ATRN: variants seen among roughly 807,000 people sequenced by gnomAD.
ATRN encodes attractin.
In ATRN, 54 loss-of-function variants were observed where a neutral mutation model predicts 178.7. The observed-to-expected ratio is 0.30, with a 90% CI of 0.24 to 0.38. ATRN has a LOEUF of 0.38. Among genes scored for constraint, ATRN ranks in the 10% least tolerant of loss-of-function variants. ATRN has a pLI of 1.00. For missense variants in ATRN, 1,443 were observed against 1,815.1 expected (o/e 0.79, Z 3.73); for synonymous variants, 636 against 663.0 (o/e 0.96, Z 0.63).
At chr20:3,561,262 G>A (rs2085949034) in intron 8 of ATRN, among the ~76,000 whole-genome samples, 1 of 152,178 alleles carries the variant, frequency 6.6e-6, no homozygotes, top group South Asian at 2.1e-4. Flanking sequence ...GGTGGAGGTT[G>A]CAGTGAGCCA....
At chr20:3,571,284 C>T (rs760441113) in intron 11 of ATRN, among the ~76,000 whole-genome samples, 48 of 152,286 alleles carry the variant, frequency 3.2e-4, no homozygotes, top group Non-Finnish European at 4.7e-4. Context: ...AAGGTCATCC[C>T]CAAGGTCTGA....
chr20:3,646,872 G>A lies in ATRN; in HGVS notation c.*25G>A, dbSNP rs756246890. 7.4e-6 allele frequency: 12 copies of A among 1,611,656 alleles called. No individual in the cohort carries two copies. Among genetic ancestry groups the A allele is most frequent in the East Asian group, 2.2e-5 (1 of 44,840 alleles). On this transcript the variant is annotated 3_prime_UTR_variant, in exon 29 of 29. Transcript: ENST00000262919. The stretch of plus-strand genomic sequence containing the variant: ...ATGCTGGGGCCAGGGACTCTCCCAC[G>A]CACGAGCTAGTGAGTGGCACACCAG...
intron 1 of ATRN, among the ~76,000 whole-genome samples, chr20:3,533,494 CAG>C (rs1286829535): frequency 6.6e-6 from 1 of 152,178 alleles, no homozygotes; most frequent in Non-Finnish European, 1.5e-5. Flanking sequence ...TGTGACTTAA[CAG>C]AGGGAGAGAG....
intron 25 of ATRN, among the ~76,000 whole-genome samples, chr20:3,633,269 G>A (rs558546104): frequency 1.2e-4 from 19 of 152,318 alleles, no homozygotes; most frequent in Admixed American, 4.6e-4. Context: ...CCTGTTGTCA[G>A]GGCACCCATT....
chr20:3,623,730 C>T (rs1181333828), intron 24 of ATRN, among the ~76,000 whole-genome samples: 6 of 152,140 alleles, frequency 3.9e-5, no homozygotes, highest in Non-Finnish European at 7.4e-5. Flanking sequence ...CGTATATTAT[C>T]GGTGATAGTA....
chr20:3,586,188 C>T (rs2086354866), intron 18 of ATRN, among the ~76,000 whole-genome samples: 1 of 152,150 alleles, frequency 6.6e-6, no homozygotes, highest in Non-Finnish European at 1.5e-5. Context: ...AGCCAAATAC[C>T]TGTTAGCTGG....
chr20:3,624,686 T>G, intron 25 of ATRN, 114 bp downstream of exon 25: 1 of 894,668 alleles, frequency 1.1e-6, no homozygotes, highest in Non-Finnish European at 1.8e-6. Flanking sequence ...CACCACAGAT[T>G]AAATTTACTT....
intron 1 of ATRN, among the ~76,000 whole-genome samples, chr20:3,481,491 G>A (rs953251456): frequency 4.0e-5 from 6 of 151,884 alleles, no homozygotes; most frequent in Non-Finnish European, 5.9e-5. Context: ...AGAACTGCAG[G>A]TGCGCACCAC....
chr20:3,493,533 G>A (rs2084837003), intron 1 of ATRN, among the ~76,000 whole-genome samples: 2 of 151,928 alleles, frequency 1.3e-5, no homozygotes, highest in Admixed American at 6.6e-5. Context: ...GGCCTCAAGC[G>A]ATCCTCCCAG....
At chr20:3,534,659 T>C (rs902772666) in intron 1 of ATRN, among the ~76,000 whole-genome samples, 4 of 152,164 alleles carry the variant, frequency 2.6e-5, no homozygotes, top group Non-Finnish European at 4.4e-5. Context: ...TTCTTAAATA[T>C]TAAACATTTT....
Position 3,583,802 on chromosome 20 carries a change from G to T in ATRN, c.2765-96G>T. The T allele has an allele frequency of 4.7e-6, 6 of 1,276,282 alleles. 1 individual carries two copies. In the South Asian group the frequency reaches 8.7e-5, roughly 19 times the overall value. The allele number at this position is 1,276,282 out of a possible 1,614,324, so 79.1% of individuals were successfully genotyped here. On this transcript the variant is annotated intron_variant, in intron 16 of 28. Coordinates refer to ENST00000262919, the MANE Select transcript of ATRN (RefSeq NM_139321.3). The stretch of plus-strand genomic sequence containing the variant: ...TAGCCTGGAGACAGAGTGAGACTCC[G>T]TCTCAAAAAAAAAAAAGAAAAGAAA...
At chr20:3,606,532 C>T (rs2086679490) in intron 24 of ATRN, among the ~76,000 whole-genome samples, 2 of 152,160 alleles carry the variant, frequency 1.3e-5, no homozygotes, top group South Asian at 4.1e-4. Flanking sequence ...GCCTGGACAG[C>T]CCTACCTGGG....
intron 1 of ATRN, among the ~76,000 whole-genome samples, chr20:3,477,176 A>G (rs1156405695): frequency 3.7e-5 from 4 of 107,256 alleles, no homozygotes; most frequent in African/African-American, 1.3e-4. Flanking sequence ...TGTAAGTTCC[A>G]TGAGGGCAGG....
At position 3,578,714 on chromosome 20, in the gene ATRN, A is replaced by T. The variant is rs2146253039; in HGVS notation, c.2486A>T (p.Gln829Leu). The T allele has an allele frequency of 1.2e-6, 2 of 1,614,160 alleles. No homozygotes were observed. Among genetic ancestry groups the T allele is most frequent in the South Asian group, 1.1e-5 (1 of 91,080 alleles). The change falls in exon 15 of 29, where the codon CAG becomes CTG. Residue 829 changes from glutamine to leucine, a missense_variant. By Grantham distance (113) the Gln-to-Leu change is moderately radical. This residue lies in a region of ATRN where 212 missense variants were observed against 330.7 expected (regional missense o/e 0.64). Coordinates refer to ENST00000262919, the MANE Select transcript of ATRN (RefSeq NM_139321.3). ...GCCCTTTTGGCTTCTCTTACAACCC[A>T]GAAGAAGGTAGAATTTGTCCTTAAG... ...HNALLASLTT[Q>L]KKVEFVLKQL...
chr20:3,584,053 A>G lies in ATRN; in HGVS notation c.2920A>G (p.Met974Val), dbSNP rs769963361. 6 of 1,614,006 alleles carry G rather than the reference A, an allele frequency of 3.7e-6. No homozygotes were observed. Among genetic ancestry groups the G allele is most frequent in the Middle Eastern group, 1.6e-4 (1 of 6,078 alleles). Residue 974 changes from methionine (M) to valine (V), a missense_variant, in exon 17 of 29, where the codon ATG becomes GTG. Physicochemically the swap from Met to Val is conservative, Grantham distance 21 (BLOSUM62 1). Coordinates refer to ENST00000262919, the MANE Select transcript of ATRN (RefSeq NM_139321.3). ...YVASFPFGQC[M>V]EWYTMSTCPP... Reference sequence around the variant, plus strand: ...GGCCTCCTTCCCTTTTGGCCAGTGTATGGAATGGTATACGATGAGCACCTG... The same window carrying G: ...GGCCTCCTTCCCTTTTGGCCAGTGTGTGGAATGGTATACGATGAGCACCTG...
intron 1 of ATRN, among the ~76,000 whole-genome samples, chr20:3,507,815 GCTGGGACT>G (rs1452730187): frequency 6.7e-6 from 1 of 149,446 alleles, no homozygotes; most frequent in Non-Finnish European, 1.5e-5. Context: ...TTCCTGAATA[GCTGGGACT>G]ACAGGCGCGC....
At chr20:3,489,947 CTGCTCTTCT>C in intron 1 of ATRN, 1 of 1,093,222 alleles carries the variant, frequency 9.1e-7, no homozygotes, top group African/African-American at 1.5e-5. Flanking sequence ...TCTTACTGAT[CTGCTCTTCT>C]TGCTCTTCTC....
At chr20:3,471,774 G>A (rs2084429307) in intron 1 of ATRN, among the ~76,000 whole-genome samples, 2 of 152,340 alleles carry the variant, frequency 1.3e-5, no homozygotes, top group African/African-American at 4.8e-5. Context: ...TTAGTTAGAT[G>A]GGAAGAATGC....
intron 24 of ATRN, among the ~76,000 whole-genome samples, chr20:3,615,564 T>C (rs550828842): frequency 1.4e-5 from 2 of 143,742 alleles, no homozygotes; most frequent in South Asian, 2.4e-4. Context: ...TTTCTTTTTT[T>C]TTTTTTTTGG....
Sources: gnomAD v4.1 joint callset for allele counts (sites outside exome capture counted in the v4.1 genomes callset) on GRCh38, gnomAD v4.1.1 for gene constraint, gnomAD v4.1.1 regional missense constraint, MANE v1.5 for transcripts, NCBI Gene and HGNC (gene_info 2026-07-23, HGNC 2026-07-21) for gene names.